PTK2B: variants seen among roughly 807,000 people sequenced by gnomAD.
PTK2B encodes the protein protein tyrosine kinase 2 beta.
In PTK2B, 71 loss-of-function variants were observed where a neutral mutation model predicts 142.9. The observed-to-expected ratio is 0.50, with a 90% CI of 0.41 to 0.61. The LOEUF (loss-of-function observed/expected upper bound fraction) is 0.61, where lower values mean the gene tolerates loss of function less well. Ranked by LOEUF, PTK2B falls within the 20% of genes least tolerant of loss-of-function variation. PTK2B has a pLI of 0.00. For missense variants in PTK2B, 1,105 were observed against 1,320.4 expected (o/e 0.84, Z 2.53); for synonymous variants, 519 against 503.4 (o/e 1.03, Z -0.42).
chr8:27,446,825 TTAG>T (rs1389021181), intron 24 of PTK2B, among the ~76,000 whole-genome samples: 1 of 152,206 alleles, frequency 6.6e-6, no homozygotes, highest in Non-Finnish European at 1.5e-5. Context: ...TATGCTTAAT[TTAG>T]TAGAATTTTG....
At chr8:27,453,197 TG>T in intron 28 of PTK2B, 37 bp downstream of exon 28, 5 of 1,610,734 alleles carry the variant, frequency 3.1e-6, no homozygotes, top group Non-Finnish European at 8.5e-7. Context: ...TAAATGAGAG[TG>T]GGGGTTGCAC....
chr8:27,331,463 T>C (rs11782061), intron 1 of PTK2B, among the ~76,000 whole-genome samples: 118,497 of 151,756 alleles, frequency 0.78, 46,787 homozygotes, highest in Middle Eastern at 0.83. Context: ...TTTCTGGTTT[T>C]TTTTTTTCTT....
chr8:27,357,413 G>A (rs575078608), intron 1 of PTK2B, among the ~76,000 whole-genome samples: 2 of 152,336 alleles, frequency 1.3e-5, no homozygotes, highest in South Asian at 4.1e-4. Context: ...GTCTTCTCAT[G>A]ATCTTGTAGG....
At chr8:27,413,049 AAAC>A (rs1367604524) in intron 2 of PTK2B, among the ~76,000 whole-genome samples, 2 of 152,026 alleles carry the variant, frequency 1.3e-5, no homozygotes, top group African/African-American at 2.4e-5. Flanking sequence ...GAAAAAAAAA[AAAC>A]AAGGCTAAGG....
intron 1 of PTK2B, among the ~76,000 whole-genome samples, chr8:27,375,229 GCA>G (rs1248625027): frequency 1.3e-5 from 2 of 152,236 alleles, no homozygotes; most frequent in African/African-American, 4.8e-5. Context: ...GTGGGCAGTA[GCA>G]CAGTCCCTGC....
At chr8:27,439,457 C>T (rs1370932236) in intron 20 of PTK2B, 59 bp downstream of exon 20, 5 of 1,534,708 alleles carry the variant, frequency 3.3e-6, no homozygotes, top group East Asian at 2.3e-5. Flanking sequence ...CTGAACCAGG[C>T]TAAGGGGGTG....
intron 9 of PTK2B, among the ~76,000 whole-genome samples, chr8:27,431,720 C>T (rs749976834): frequency 6.6e-6 from 1 of 152,202 alleles, no homozygotes; most frequent in Non-Finnish European, 1.5e-5. Flanking sequence ...GACAAGGCCT[C>T]AATGATTACT....
intron 2 of PTK2B, among the ~76,000 whole-genome samples, chr8:27,416,019 T>C (rs1198559420): frequency 3.3e-5 from 5 of 152,174 alleles, no homozygotes; most frequent in Admixed American, 6.5e-5. Flanking sequence ...GGAGGATCAC[T>C]TGAGGCCCAA....
chr8:27,424,498 CAG>C (rs1809953505), intron 5 of PTK2B, among the ~76,000 whole-genome samples: 1 of 152,178 alleles, frequency 6.6e-6, no homozygotes, highest in Non-Finnish European at 1.5e-5. Flanking sequence ...GTGTGAGGAA[CAG>C]AGTCAGAGAG....
chr8:27,310,964 C>A (rs769314129), upstream of PTK2B: 2 of 1,612,176 alleles, frequency 1.2e-6, no homozygotes, highest in South Asian at 1.1e-5. Context: ...GCTGGTCCAG[C>A]GCGCGCCCTC....
At chr8:27,419,124 A>G (rs116659177) in intron 2 of PTK2B, among the ~76,000 whole-genome samples, 3,115 of 152,298 alleles carry the variant, frequency 0.02, 44 homozygotes, top group Middle Eastern at 0.048. Context: ...CTGTTAATCC[A>G]TCTCTGGCTC....
intron 2 of PTK2B, among the ~76,000 whole-genome samples, chr8:27,402,264 A>C (rs1308053225): frequency 6.6e-6 from 1 of 152,160 alleles, no homozygotes; most frequent in Non-Finnish European, 1.5e-5. Flanking sequence ...GAAGAATGGC[A>C]GCCCTGGTCT....
chr8:27,352,947 A>T (rs952973441), intron 1 of PTK2B, among the ~76,000 whole-genome samples: 2 of 152,182 alleles, frequency 1.3e-5, no homozygotes, highest in African/African-American at 4.8e-5. Flanking sequence ...ACTCAAGGGG[A>T]TGGATTCTAG....
chr8:27,318,491 T>A (rs1803139418), intron 3 of PTK2B, among the ~76,000 whole-genome samples: 1 of 152,036 alleles, frequency 6.6e-6, no homozygotes, highest in Non-Finnish European at 1.5e-5. Flanking sequence ...GGAAGTCTCC[T>A]TTTCCAGGCA....
rs1046546744 is a variant in PTK2B at position 27,315,268 on chromosome 8, G to A, written c.-414+1981G>A. Among the ~76,000 whole-genome samples, 11 of 152,152 alleles carry A rather than the reference G, an allele frequency of 7.2e-5. 1 individual carries two copies. Among genetic ancestry groups the A allele is most frequent in the Admixed American group, 5.9e-4 (9 of 15,278 alleles). On this transcript the variant is annotated intron_variant, in intron 3 of 35. Transcript: ENST00000397501. ...CTTTAATCTACTCATCTCTCTTGTG[G>A]AAAGTGAGGCCCAGGAATCTTCATT...
Position 27,390,580 on chromosome 8 carries a change from G to A in PTK2B, c.-37-6968G>A, listed in dbSNP as rs142735298. 3.9e-3 allele frequency among the ~76,000 whole-genome samples: 597 copies of A among 152,276 alleles called. 3 individuals carry two copies. The highest frequency in any genetic ancestry group is 0.013 in the African/African-American group (547 of 41,556). ...CACCTGAGTCCAGGAGTTTGAGGCT[G>A]TAGTAAGATATGATCACATCCCTGA... On this transcript the variant is annotated intron_variant, in intron 1 of 30. Transcript: ENST00000346049.
chr8:27,350,990 AATATATATATATATATATATATATATAT>A (rs1161548916), intron 1 of PTK2B, among the ~76,000 whole-genome samples: 4 of 12,092 alleles, frequency 3.3e-4, no homozygotes, highest in Non-Finnish European at 6.3e-4. Context: ...AAAAAAAAAA[AATATATATATATATATATATATATATAT>A]ATATATATAT....
intron 28 of PTK2B, 149 bp downstream of exon 28, chr8:27,453,309 G>A: frequency 9.5e-7 from 1 of 1,048,992 alleles, no homozygotes. Context: ...GGGGGCGGGT[G>A]GCGGGGTGCC....
rs137908378 is a variant in PTK2B, at chr8:27,332,535, C to T, written c.-38+6854C>T. On this transcript the variant is annotated intron_variant, in intron 1 of 30. Coordinates refer to ENST00000346049, the MANE Select transcript of PTK2B (RefSeq NM_173176.3). ...CTAGGCACTTGTTGAATGTTTCTCC[C>T]CATCACCCCCTTTACTCTCAGGGTA... is the stretch of plus-strand genomic sequence containing the variant. Among the ~76,000 whole-genome samples the T allele has an allele frequency of 6.8e-3, 1,028 of 152,226 alleles. 13 individuals carry two copies. The highest frequency in any genetic ancestry group is 0.024 in the African/African-American group (978 of 41,522).
Sources: allele counts gnomAD v4.1 joint callset (sites outside exome capture counted in the v4.1 genomes callset), GRCh38; gene constraint gnomAD v4.1.1; transcripts MANE v1.5; gene names NCBI Gene and HGNC (gene_info 2026-07-23, HGNC 2026-07-21).